Variants in CNTN6 observed in about 807,000 individuals in gnomAD.
The protein encoded by CNTN6 is contactin-6.
A neutral mutation model predicts 122.8 loss-of-function variants in CNTN6; 137 were observed. The ratio of observed to expected loss-of-function variants is 1.12; its 90% confidence interval spans 0.97 to 1.29. The LOEUF (loss-of-function observed/expected upper bound fraction) is 1.29. Ranked by LOEUF, CNTN6 falls within the 50% of genes most tolerant of loss-of-function variation. CNTN6 has a pLI of 0.00. For missense variants in CNTN6, 1,634 were observed against 1,223.4 expected (o/e 1.34, Z -5.01); for synonymous variants, 570 against 426.0 (o/e 1.34, Z -4.16).
intron 20 of CNTN6, among the ~76,000 whole-genome samples, chr3:1,388,388 C>T (rs1237637652): frequency 1.3e-5 from 2 of 149,680 alleles, no homozygotes; most frequent in Non-Finnish European, 3.0e-5. Context: ...ACAGAAAGGA[C>T]ATCCACACCA....
At chr3:1,385,357 T>TTTA (rs1355813886) in intron 19 of CNTN6, among the ~76,000 whole-genome samples, 1 of 146,542 alleles carries the variant, frequency 6.8e-6, no homozygotes, top group African/African-American at 2.8e-5. Context: ...CATAAAATAC[T>TTTA]TTATTTTGGT....
chr3:1,399,572 C>G (rs770221873), intron 20 of CNTN6, among the ~76,000 whole-genome samples: 28 of 152,038 alleles, frequency 1.8e-4, no homozygotes, highest in Non-Finnish European at 2.5e-4. Flanking sequence ...ATGAGTCTGA[C>G]CACGGCAATT....
intron 2 of CNTN6, among the ~76,000 whole-genome samples, chr3:1,167,703 G>C (rs1002601921): frequency 6.6e-6 from 1 of 152,152 alleles, no homozygotes; most frequent in Non-Finnish European, 1.5e-5. Flanking sequence ...CCAAGGTACA[G>C]AGTGAGCCAG....
chr3:1,228,123 AT>A, intron 4 of CNTN6, 130 bp downstream of exon 4: 1 of 782,010 alleles, frequency 1.3e-6, no homozygotes, highest in South Asian at 2.5e-5. Flanking sequence ...GCTTTTGACA[AT>A]GTTCATTTTG....
intron 20 of CNTN6, among the ~76,000 whole-genome samples, chr3:1,393,570 AAAAAG>A (rs61677215): frequency 0.26 from 37,245 of 146,038 alleles, 5,326 homozygotes; most frequent in Non-Finnish European, 0.35. Flanking sequence ...AAAAAAAAAA[AAAAAG>A]AAACTCTTGT....
At chr3:1,329,052 TG>T (rs965932962) in intron 10 of CNTN6, among the ~76,000 whole-genome samples, 3 of 151,370 alleles carry the variant, frequency 2.0e-5, no homozygotes, top group Non-Finnish European at 4.4e-5. Flanking sequence ...TAAATCAGAT[TG>T]GTATATATAC....
chr3:1,350,640 T>C (rs1460705352), intron 11 of CNTN6, among the ~76,000 whole-genome samples: 2 of 151,868 alleles, frequency 1.3e-5, no homozygotes, highest in African/African-American at 4.8e-5. Flanking sequence ...ACTTGAATTA[T>C]TCCTTTCTGG....
At chr3:1,237,038 G>T (rs959255436) in intron 4 of CNTN6, among the ~76,000 whole-genome samples, 3 of 151,674 alleles carry the variant, frequency 2.0e-5, no homozygotes, top group African/African-American at 7.3e-5. Flanking sequence ...CTGTGATCAC[G>T]CCACTGCACT....
chr3:1,331,789 A>G (rs1385828509), intron 11 of CNTN6, among the ~76,000 whole-genome samples: 1 of 152,006 alleles, frequency 6.6e-6, no homozygotes, highest in Non-Finnish European at 1.5e-5. Flanking sequence ...TGGGAACAAG[A>G]AAGAAAATTA....
Position 1,315,159 on chromosome 3 carries a change from AC to A in CNTN6, c.762-6487del, listed in dbSNP as rs142908679. On this transcript the variant is annotated intron_variant, in intron 7 of 22. Transcript: ENST00000446702. ...TTTAACGATAATCTCCATTCTGAAG[AC>A]CCCTTCAAAGATCCACCTTCCTCCA... Among the ~76,000 whole-genome samples, 112 of 151,966 alleles carry A rather than the reference AC, an allele frequency of 7.4e-4. No homozygotes were observed. The East Asian group carries it at 0.01, about 14-fold the overall frequency.
At chr3:1,203,825 C>T (rs969745799) in intron 2 of CNTN6, among the ~76,000 whole-genome samples, 3 of 152,116 alleles carry the variant, frequency 2.0e-5, no homozygotes, top group Non-Finnish European at 2.9e-5. Context: ...ATGACCGACT[C>T]CCCCCTATGA....
In CNTN6 at chr3:1,130,824, G is replaced by T. The variant is rs2092316976; in HGVS notation, c.-82-17103G>T. ...TGCCTGTCTGTGTCAAAATAGGAAT[G>T]ATTTGTCTTTCTTTAACCTGGTTTA... On this transcript the variant is annotated intron_variant, in intron 1 of 22. Transcript: ENST00000446702. Among the ~76,000 whole-genome samples the T allele has an allele frequency of 2.0e-5, 3 of 152,030 alleles. No homozygotes were observed. In the South Asian group the frequency reaches 6.2e-4, roughly 32 times the overall value.
chr3:1,213,269 G>A (rs544648418), intron 2 of CNTN6, among the ~76,000 whole-genome samples: 1 of 152,226 alleles, frequency 6.6e-6, no homozygotes, highest in South Asian at 2.1e-4. Flanking sequence ...TTTGTTGTGT[G>A]CTTGTTTTGT....
chr3:1,117,283 G>A (rs73105112), intron 1 of CNTN6, among the ~76,000 whole-genome samples: 5,572 of 152,174 alleles, frequency 0.037, 348 homozygotes, highest in African/African-American at 0.13. Flanking sequence ...TGTTTACCAG[G>A]TGGACCAAGG....
intron 2 of CNTN6, among the ~76,000 whole-genome samples, chr3:1,199,544 C>G: frequency 6.6e-6 from 1 of 152,000 alleles, no homozygotes; most frequent in East Asian, 1.9e-4. Context: ...GAAACTAATT[C>G]ATATTTAGTA....
At chr3:1,208,624 T>C (rs1263379374) in intron 2 of CNTN6, among the ~76,000 whole-genome samples, 1 of 152,128 alleles carries the variant, frequency 6.6e-6, no homozygotes, top group Non-Finnish European at 1.5e-5. Flanking sequence ...CATAGTGATT[T>C]ACGGTATGAG....
At chr3:1,180,166 C>CA (rs977003345) in intron 2 of CNTN6, among the ~76,000 whole-genome samples, 25 of 148,790 alleles carry the variant, frequency 1.7e-4, no homozygotes, top group East Asian at 9.8e-4. Flanking sequence ...AATAGTTCAG[C>CA]AAAAAAAATG....
chr3:1,328,897 C>G (rs1701894001), intron 10 of CNTN6, among the ~76,000 whole-genome samples: 1 of 151,546 alleles, frequency 6.6e-6, no homozygotes, highest in South Asian at 2.1e-4. Flanking sequence ...TCTGAACTGG[C>G]ATTTGTTCAA....
chr3:1,373,092 C>T, intron 14 of CNTN6, 137 bp downstream of exon 14: 1 of 581,110 alleles, frequency 1.7e-6, no homozygotes. Flanking sequence ...TTTTTTAAAC[C>T]CCAGGACTCC....
Sources: gnomAD v4.1 joint callset for allele counts (sites outside exome capture counted in the v4.1 genomes callset) on GRCh38, gnomAD v4.1.1 for gene constraint, MANE v1.5 for transcripts, NCBI Gene and HGNC (gene_info 2026-07-23, HGNC 2026-07-21) for gene names.